Variants in DSCAM observed in about 807,000 individuals in gnomAD.
The protein encoded by DSCAM is DS cell adhesion molecule.
In DSCAM, 47 loss-of-function variants were observed where a neutral mutation model predicts 217.7. That is an observed-to-expected ratio of 0.22 (90% CI 0.17 to 0.28). The LOEUF (loss-of-function observed/expected upper bound fraction) is 0.28. Ranked by LOEUF, DSCAM falls within the 10% of genes least tolerant of loss-of-function variation. The pLI, the probability that DSCAM is intolerant of heterozygous loss-of-function variation, is 1.00. For missense variants in DSCAM, 2,080 were observed against 2,618.3 expected (o/e 0.79, Z 4.49); for synonymous variants, 1,056 against 1,015.3 (o/e 1.04, Z -0.76).
chr21:40,486,108 G>A (rs1279429220), intron 3 of DSCAM, among the ~76,000 whole-genome samples: 1 of 152,162 alleles, frequency 6.6e-6, no homozygotes, highest in African/African-American at 2.4e-5. Context: ...ATTCCTAGAG[G>A]TCAGCCATAG....
At chr21:40,223,121 G>A (rs1256722171) in intron 11 of DSCAM, among the ~76,000 whole-genome samples, 1 of 152,150 alleles carries the variant, frequency 6.6e-6, no homozygotes, top group Non-Finnish European at 1.5e-5. Flanking sequence ...GACCTGCCCA[G>A]CAGCCTGCCC....
rs79330704 is a variant in DSCAM at position 40,173,605 on chromosome 21, C to T, written c.2947+5322G>A. 1.7e-3 allele frequency among the ~76,000 whole-genome samples: 261 copies of T among 152,226 alleles called. 1 individual carries two copies. Among genetic ancestry groups the T allele is most frequent in the Non-Finnish European group, 2.8e-3 (188 of 68,014 alleles). Reference sequence around the variant, plus strand: ...CTCTTACTGAAGAACACATTGATGCCGCCCTCTGCACTAATGAGCACTGCT... The same window carrying T: ...CTCTTACTGAAGAACACATTGATGCTGCCCTCTGCACTAATGAGCACTGCT... On this transcript the variant is annotated intron_variant, in intron 15 of 32. Transcript: ENST00000400454.
intron 32 of DSCAM, among the ~76,000 whole-genome samples, chr21:40,035,719 T>A (rs1172928713): frequency 6.6e-6 from 1 of 151,050 alleles, no homozygotes; most frequent in Admixed American, 6.6e-5. Flanking sequence ...CACATTTTTT[T>A]CAGCACCACA....
intron 3 of DSCAM, among the ~76,000 whole-genome samples, chr21:40,643,911 C>G (rs527427591): frequency 6.6e-6 from 1 of 152,284 alleles, no homozygotes; most frequent in Non-Finnish European, 1.5e-5. Context: ...TTTTTGTTAC[C>G]CAGTCTGTGG....
intron 3 of DSCAM, among the ~76,000 whole-genome samples, chr21:40,376,370 AAAATAGAAGTGG>A (rs1481528677): frequency 6.7e-6 from 1 of 150,308 alleles, no homozygotes; most frequent in Non-Finnish European, 1.5e-5. Flanking sequence ...AGCATTAACT[AAAATAGAAGTGG>A]AAATAGAAGA....
chr21:40,343,995 C>G (rs921139843), intron 6 of DSCAM, among the ~76,000 whole-genome samples: 2 of 152,088 alleles, frequency 1.3e-5, no homozygotes. Flanking sequence ...CCTCCACCTC[C>G]TGGGTTCAAG....
chr21:40,292,292 G>A (rs1289776520), intron 10 of DSCAM, among the ~76,000 whole-genome samples: 1 of 142,988 alleles, frequency 7.0e-6, no homozygotes, highest in Non-Finnish European at 1.5e-5. Context: ...GAATTAAACT[G>A]TTGCATCTCT....
intron 3 of DSCAM, among the ~76,000 whole-genome samples, chr21:40,595,683 A>G (rs2077016412): frequency 6.6e-6 from 1 of 152,192 alleles, no homozygotes; most frequent in Non-Finnish European, 1.5e-5. Context: ...ACCTAACCAC[A>G]TACTCTGGTT....
intron 29 of DSCAM, among the ~76,000 whole-genome samples, chr21:40,053,115 C>T (rs572434610): frequency 1.1e-4 from 17 of 152,266 alleles, no homozygotes; most frequent in East Asian, 5.8e-4. Flanking sequence ...CAACACAGCT[C>T]GACTTCTGTG....
chr21:40,255,307 T>C (rs756370513), intron 11 of DSCAM, among the ~76,000 whole-genome samples: 3 of 152,176 alleles, frequency 2.0e-5, no homozygotes, highest in Non-Finnish European at 2.9e-5. Context: ...CCCCATGTTA[T>C]GGTTTGAGAT....
At chr21:40,298,317 G>A (rs528771276) in intron 9 of DSCAM, among the ~76,000 whole-genome samples, 3 of 151,938 alleles carry the variant, frequency 2.0e-5, no homozygotes, top group Non-Finnish European at 2.9e-5. Flanking sequence ...TCCTGATCTC[G>A]TGATCCACCA....
intron 29 of DSCAM, 143 bp downstream of exon 29, chr21:40,055,582 A>G (rs2089002036): frequency 1.6e-6 from 1 of 631,384 alleles, no homozygotes; most frequent in Non-Finnish European, 2.8e-6. Flanking sequence ...CTTCACAAGA[A>G]CAATTCTCTA....
intron 3 of DSCAM, among the ~76,000 whole-genome samples, chr21:40,646,213 G>C (rs544032639): frequency 6.6e-6 from 1 of 152,040 alleles, no homozygotes; most frequent in East Asian, 1.9e-4. Context: ...TCAAGAGATC[G>C]AGACCATCCT....
intron 32 of DSCAM, among the ~76,000 whole-genome samples, chr21:40,031,470 ATATCT>A (rs1283489616): frequency 6.6e-6 from 1 of 152,230 alleles, no homozygotes; most frequent in Non-Finnish European, 1.5e-5. Flanking sequence ...AAAAGGGTTA[ATATCT>A]TAAATTAACA....
chr21:40,189,901 C>A (rs374967744), intron 11 of DSCAM, among the ~76,000 whole-genome samples: 1 of 152,314 alleles, frequency 6.6e-6, no homozygotes, highest in Non-Finnish European at 1.5e-5. Flanking sequence ...CGGACTAATA[C>A]AATGATGTTA....
At chr21:40,618,650 C>T (rs1367797275) in intron 3 of DSCAM, 1 of 147,232 alleles carries the variant, frequency 6.8e-6, no homozygotes, top group African/African-American at 2.5e-5. Flanking sequence ...CATGCTTTTA[C>T]AGAGAACTCT....
intron 3 of DSCAM, among the ~76,000 whole-genome samples, chr21:40,621,611 G>T (rs1468808438): frequency 6.6e-6 from 1 of 151,818 alleles, no homozygotes; most frequent in Non-Finnish European, 1.5e-5. Flanking sequence ...GAAGAGTGCT[G>T]TTTGCCAAAG....
chr21:40,249,431 C>T (rs2073272276), intron 11 of DSCAM, among the ~76,000 whole-genome samples: 2 of 152,140 alleles, frequency 1.3e-5, no homozygotes, highest in South Asian at 4.2e-4. Flanking sequence ...TAAGAAGTGC[C>T]TTTTGCCTCC....
intron 30 of DSCAM, among the ~76,000 whole-genome samples, chr21:40,045,465 T>C (rs2837382): frequency 0.34 from 51,635 of 152,126 alleles, 9,472 homozygotes; most frequent in African/African-American, 0.47. Context: ...AGCAAGTCTA[T>C]GGGGTGGACG....
Sources: gnomAD v4.1 joint callset for allele counts (sites outside exome capture counted in the v4.1 genomes callset) on GRCh38, gnomAD v4.1.1 for gene constraint, MANE v1.5 for transcripts, NCBI Gene and HGNC (gene_info 2026-07-23, HGNC 2026-07-21) for gene names.